The following KHDRBS2 variants were observed in gnomAD, a reference collection of about 807,000 sequenced individuals.
KHDRBS2 encodes KH RNA binding domain containing, signal transduction associated 2.
In KHDRBS2, 26 loss-of-function variants were observed where a neutral mutation model predicts 44.3. The ratio of observed to expected loss-of-function variants is 0.59; its 90% CI spans 0.43 to 0.81. KHDRBS2 has a LOEUF of 0.81. Among genes scored for constraint, KHDRBS2 ranks in the 40% least tolerant of loss-of-function variants. The pLI is 0.00. For synonymous variants in KHDRBS2, 194 were observed against 151.1 expected (o/e 1.28, Z -2.08); for missense variants, 476 against 433.1 (o/e 1.10, Z -0.88).
At chr6:61,881,382 T>C (rs1372787151) in intron 6 of KHDRBS2, among the ~76,000 whole-genome samples, 1 of 151,972 alleles carries the variant, frequency 6.6e-6, no homozygotes, top group Non-Finnish European at 1.5e-5. Context: ...AAGACCTTTT[T>C]TTAATATTCA....
intron 1 of KHDRBS2, among the ~76,000 whole-genome samples, chr6:62,278,956 T>C (rs1841399931): frequency 6.6e-6 from 1 of 151,986 alleles, no homozygotes; most frequent in South Asian, 2.1e-4. Flanking sequence ...TAGCCAGGCG[T>C]GGTGGCGGGT....
chr6:62,263,044 A>C (rs548812600), intron 1 of KHDRBS2, among the ~76,000 whole-genome samples: 1 of 151,742 alleles, frequency 6.6e-6, no homozygotes, highest in Non-Finnish European at 1.5e-5. Context: ...AATTACATGA[A>C]ACAAACCTGA....
At chr6:61,734,210 A>T (rs2127561371) in intron 6 of KHDRBS2, among the ~76,000 whole-genome samples, 1 of 152,052 alleles carries the variant, frequency 6.6e-6, no homozygotes, top group Admixed American at 6.6e-5. Flanking sequence ...GTCATTTTTC[A>T]TTATATTTTT....
chr6:61,661,611 C>T, the KHDRBS2 span, among the ~76,000 whole-genome samples: 1 of 151,852 alleles, frequency 6.6e-6, no homozygotes, highest in Non-Finnish European at 1.5e-5. Context: ...TCAGTCTCTC[C>T]TGAGAGGTTT....
At chr6:61,711,866 A>G (rs902144589) in intron 7 of KHDRBS2, among the ~76,000 whole-genome samples, 41 of 151,896 alleles carry the variant, frequency 2.7e-4, no homozygotes, top group African/African-American at 9.7e-4. Flanking sequence ...TGTTACTGGT[A>G]TAGTAATGCT....
chr6:61,663,899 G>A, the KHDRBS2 span, among the ~76,000 whole-genome samples: 1 of 151,510 alleles, frequency 6.6e-6, no homozygotes, highest in Non-Finnish European at 1.5e-5. Context: ...GGAGTAAAGA[G>A]CATATATCAA....
chr6:61,553,531 C>A, the KHDRBS2 span, among the ~76,000 whole-genome samples: 2 of 151,982 alleles, frequency 1.3e-5, no homozygotes, highest in African/African-American at 4.8e-5. Context: ...TTGGTTATTT[C>A]TTGTCTTCAA....
At chr6:62,091,280 A>AT (rs1799452367) in intron 2 of KHDRBS2, among the ~76,000 whole-genome samples, 4 of 53,202 alleles carry the variant, frequency 7.5e-5, no homozygotes, top group African/African-American at 5.4e-4. Flanking sequence ...GTACCACAGT[A>AT]TTTTTTATTT....
At chr6:61,551,432 T>C in the KHDRBS2 span, among the ~76,000 whole-genome samples, 1 of 152,218 alleles carries the variant, frequency 6.6e-6, no homozygotes. Flanking sequence ...TGTCATGAAA[T>C]CTTTTTCCAT....
At chr6:61,549,799 C>T in the KHDRBS2 span, among the ~76,000 whole-genome samples, 11 of 152,038 alleles carry the variant, frequency 7.2e-5, no homozygotes, top group African/African-American at 2.7e-4. Context: ...TAGTTTCAAC[C>T]TAGCAACTAA....
At chr6:61,950,465 T>G (rs942129016) in intron 4 of KHDRBS2, among the ~76,000 whole-genome samples, 1 of 151,990 alleles carries the variant, frequency 6.6e-6, no homozygotes, top group Non-Finnish European at 1.5e-5. Flanking sequence ...TTCATATAGA[T>G]AGAGCTTCCT....
intron 1 of KHDRBS2, among the ~76,000 whole-genome samples, chr6:62,200,846 C>A (rs1379676768): frequency 6.6e-6 from 1 of 152,112 alleles, no homozygotes; most frequent in Non-Finnish European, 1.5e-5. Context: ...AAATGTCCAA[C>A]AATGATAGAC....
intron 3 of KHDRBS2, among the ~76,000 whole-genome samples, chr6:62,016,433 T>C (rs1312238831): frequency 6.6e-6 from 1 of 151,560 alleles, no homozygotes; most frequent in African/African-American, 2.4e-5. Context: ...AAAAGTTTAG[T>C]AAAATATTTG....
chr6:61,825,264 CT>C (rs2127256112), intron 6 of KHDRBS2, among the ~76,000 whole-genome samples: 1 of 152,218 alleles, frequency 6.6e-6, no homozygotes, highest in South Asian at 2.1e-4. Context: ...TGCACATTTT[CT>C]TTCTTGTGAA....
chr6:62,095,261 C>A (rs1434283067), intron 2 of KHDRBS2, among the ~76,000 whole-genome samples: 1 of 151,710 alleles, frequency 6.6e-6, no homozygotes, highest in Non-Finnish European at 1.5e-5. Context: ...AGGAGCTCTA[C>A]AATGAACAAT....
At chr6:61,880,036 T>A (rs565127593) in intron 6 of KHDRBS2, among the ~76,000 whole-genome samples, 1 of 151,968 alleles carries the variant, frequency 6.6e-6, no homozygotes, top group South Asian at 2.1e-4. Flanking sequence ...AAAATATAAT[T>A]TTTAGATTTT....
At chr6:62,147,349 T>G (rs146799834) in intron 2 of KHDRBS2, among the ~76,000 whole-genome samples, 1 of 152,046 alleles carries the variant, frequency 6.6e-6, no homozygotes, top group East Asian at 1.9e-4. Context: ...ATAATAGCAA[T>G]ATGTTTAGTG....
chr6:61,574,636 T>C, the KHDRBS2 span, among the ~76,000 whole-genome samples: 1 of 152,152 alleles, frequency 6.6e-6, no homozygotes, highest in Non-Finnish European at 1.5e-5. Flanking sequence ...AGGGGCGTGG[T>C]AGCTCATGCC....
At chr6:61,565,315 T>C in the KHDRBS2 span, among the ~76,000 whole-genome samples, 1 of 151,944 alleles carries the variant, frequency 6.6e-6, no homozygotes. Flanking sequence ...AATGGACAAA[T>C]GGGATTACAT....
Sources: allele counts gnomAD v4.1 joint callset (sites outside exome capture counted in the v4.1 genomes callset), GRCh38; gene constraint gnomAD v4.1.1; transcripts MANE v1.5; gene names NCBI Gene and HGNC (gene_info 2026-07-23, HGNC 2026-07-21).